The following VPS53 variants were observed in gnomAD, a reference collection of about 807,000 sequenced individuals.
The protein encoded by VPS53 is VPS53 subunit of GARP complex, also known as vacuolar protein sorting-associated protein 53 homolog.
Under a neutral mutation model 107.0 loss-of-function variants are expected in VPS53, and 70 were observed. The ratio of observed to expected loss-of-function variants is 0.65; its 90% CI spans 0.54 to 0.80. The LOEUF (loss-of-function observed/expected upper bound fraction) is 0.80, where lower values mean the gene tolerates loss of function less well. Ranked by LOEUF, VPS53 falls within the 30% of genes least tolerant of loss-of-function variation. The probability of loss-of-function intolerance (pLI) is 0.00; values close to 1 mark genes in which losing one functional copy is unlikely to be tolerated. For missense variants in VPS53, 917 were observed against 1,049.4 expected, an observed-to-expected ratio of 0.87 and a Z score of 1.74; for synonymous variants, 409 against 393.3, an observed-to-expected ratio of 1.04 and a Z score of -0.47.
At chr17:523,030 G>A (rs892853529) in intron 19 of VPS53, 1 of 152,070 alleles carries the variant, frequency 6.6e-6, no homozygotes, top group African/African-American at 2.4e-5. Flanking sequence ...TGGACTGGAA[G>A]CTGGAATTCC....
At chr17:657,616 A>G in intron 5 of VPS53, 1 of 656,838 alleles carries the variant, frequency 1.5e-6, no homozygotes, top group Non-Finnish European at 2.7e-6. Flanking sequence ...CTTAATAGCA[A>G]TTTGGTTGCC....
intron 11 of VPS53, among the ~76,000 whole-genome samples, chr17:608,226 G>T (rs114655962): frequency 3.5e-4 from 53 of 152,228 alleles, no homozygotes; most frequent in African/African-American, 1.2e-3. Context: ...TTCTTCTATT[G>T]CAACAGTTAT....
At chr17:678,615 T>C (rs1182691615) in intron 4 of VPS53, among the ~76,000 whole-genome samples, 1 of 150,540 alleles carries the variant, frequency 6.6e-6, no homozygotes, top group Non-Finnish European at 1.5e-5. Flanking sequence ...TACAGGCATG[T>C]GCCACCACTC....
At chr17:657,137 G>A in intron 5 of VPS53, 1 of 1,369,406 alleles carries the variant, frequency 7.3e-7, no homozygotes, top group Non-Finnish European at 1.0e-6. Context: ...GAGGGGTCAG[G>A]GTAGCGGATG....
At chr17:665,820 A>G (rs1971658400) in intron 4 of VPS53, among the ~76,000 whole-genome samples, 1 of 152,154 alleles carries the variant, frequency 6.6e-6, no homozygotes, top group Non-Finnish European at 1.5e-5. Context: ...CCTGGCCAAC[A>G]TGGTGAAACC....
intron 17 of VPS53, 98 bp downstream of exon 17, chr17:551,774 C>G (rs757070124): frequency 9.2e-7 from 1 of 1,086,904 alleles, no homozygotes; most frequent in Admixed American, 2.8e-5. Context: ...TGATCCTTTA[C>G]GCTCCGATGA....
At chr17:644,768 G>C (rs1427274402) in intron 7 of VPS53, among the ~76,000 whole-genome samples, 2 of 152,150 alleles carry the variant, frequency 1.3e-5, no homozygotes, top group Non-Finnish European at 1.5e-5. Flanking sequence ...ATTTTTGGTA[G>C]AGACAGGGTT....
At chr17:667,862 G>A (rs1398030831) in intron 4 of VPS53, among the ~76,000 whole-genome samples, 1 of 152,088 alleles carries the variant, frequency 6.6e-6, no homozygotes. Context: ...GATCAGCAGC[G>A]GTATTAGATT....
At chr17:603,599 G>A (rs986631834) in intron 11 of VPS53, among the ~76,000 whole-genome samples, 1 of 152,206 alleles carries the variant, frequency 6.6e-6, no homozygotes, top group Non-Finnish European at 1.5e-5. Context: ...GCCTTGTGGT[G>A]ATGGCATTAG....
chr17:534,094 C>T (rs907657729), intron 18 of VPS53, among the ~76,000 whole-genome samples: 1 of 152,228 alleles, frequency 6.6e-6, no homozygotes, highest in Non-Finnish European at 1.5e-5. Flanking sequence ...CTTGCCTCGG[C>T]CCCACAAAGC....
chr17:586,253 G>T lies in VPS53; in HGVS notation c.1313+17C>A. ...GCGAGAAATGCAGGCAGAAAACAGCGAATGTTCCTCACTCACTTGTCTTGG... is the reference window on the plus strand; with the variant it reads ...GCGAGAAATGCAGGCAGAAAACAGCTAATGTTCCTCACTCACTTGTCTTGG... On this transcript the variant is annotated intron_variant, in intron 13 of 21. Coordinates refer to ENST00000437048, the MANE Select transcript of VPS53 (RefSeq NM_001128159.3). 1 of 1,611,400 alleles carries T rather than the reference G, an allele frequency of 6.2e-7. No homozygotes were observed. Among genetic ancestry groups the T allele is most frequent in the Non-Finnish European group, 8.5e-7 (1 of 1,177,606 alleles).
chr17:556,045 G>A (rs2151843737), intron 15 of VPS53, among the ~76,000 whole-genome samples: 1 of 152,226 alleles, frequency 6.6e-6, no homozygotes, highest in Admixed American at 6.5e-5. Context: ...TGGGGGCTGA[G>A]GCAAGAAGAT....
At chr17:544,909 ATCT>A (rs2151827303) in intron 17 of VPS53, among the ~76,000 whole-genome samples, 1 of 152,102 alleles carries the variant, frequency 6.6e-6, no homozygotes, top group African/African-American at 2.4e-5. Context: ...GCAAGACCTC[ATCT>A]CTACTAAAAA....
In VPS53 at chr17:670,329, G is replaced by A. The variant is rs536423771; in HGVS notation, c.286-8434C>T. 2.6e-5 allele frequency among the ~76,000 whole-genome samples: 4 copies of A among 152,302 alleles called. No individual in the cohort carries two copies. The South Asian group carries it at 8.3e-4, about 32-fold the overall frequency. On this transcript the variant is annotated intron_variant, in intron 4 of 21. Transcript: ENST00000437048. ...GACTCAAATTCTGTAAACAGGAGAT[G>A]AAAAGCAACCCACTGAATTAGCCTA...
At chr17:666,693 G>A (rs979666140) in intron 4 of VPS53, among the ~76,000 whole-genome samples, 1 of 151,690 alleles carries the variant, frequency 6.6e-6, no homozygotes, top group African/African-American at 2.4e-5. Context: ...AAAAACTCAT[G>A]TGGATCATGA....
At chr17:628,788 C>T (rs2143109706) in intron 8 of VPS53, among the ~76,000 whole-genome samples, 2 of 152,340 alleles carry the variant, frequency 1.3e-5, no homozygotes, top group South Asian at 4.1e-4. Flanking sequence ...TAGTGAACTA[C>T]CTAGAAAGGC....
chr17:627,068 C>T, intron 10 of VPS53, 106 bp downstream of exon 10: 2 of 1,432,878 alleles, frequency 1.4e-6, no homozygotes, highest in Non-Finnish European at 1.9e-6. Context: ...CTGGTGGGGT[C>T]TGGAAGTGGC....
intron 4 of VPS53, among the ~76,000 whole-genome samples, chr17:687,251 A>G (rs1972618178): frequency 6.8e-6 from 1 of 147,250 alleles, no homozygotes; most frequent in Admixed American, 6.9e-5. Context: ...GTAACACGGC[A>G]CTCCAGCCTG....
At chr17:618,825 G>A (rs62056499) in intron 11 of VPS53, among the ~76,000 whole-genome samples, 20,739 of 150,310 alleles carry the variant, frequency 0.14, 1,869 homozygotes, top group South Asian at 0.23. Flanking sequence ...CTGGGTAGCA[G>A]GGACTACACG....
Sources: allele counts gnomAD v4.1 joint callset (sites outside exome capture counted in the v4.1 genomes callset), GRCh38; gene constraint gnomAD v4.1.1; transcripts MANE v1.5; gene names NCBI Gene and HGNC (gene_info 2026-07-23, HGNC 2026-07-21).